PHF21B: variants seen among roughly 807,000 people sequenced by gnomAD.
PHF21B encodes the protein PHD finger protein 21B, also known as PHD finger protein 4.
In PHF21B, 22 loss-of-function variants were observed where a neutral mutation model predicts 62.2. The observed-to-expected ratio is 0.35, with a 90% confidence interval of 0.25 to 0.51. PHF21B has a LOEUF of 0.51. PHF21B is among the 20% of genes least tolerant of loss of function. The pLI is 0.97. For missense variants in PHF21B, 701 were observed against 707.9 expected (o/e 0.99, Z 0.11); for synonymous variants, 341 against 314.7 (o/e 1.08, Z -0.88).
intron 2 of PHF21B, among the ~76,000 whole-genome samples, chr22:44,946,615 A>G (rs2072078331): frequency 6.6e-6 from 1 of 151,668 alleles, no homozygotes; most frequent in African/African-American, 2.4e-5. Context: ...CAGTGGTTGT[A>G]TGGATGGATG....
intron 2 of PHF21B, among the ~76,000 whole-genome samples, chr22:44,976,714 G>A (rs148429601): frequency 1.1e-3 from 174 of 152,334 alleles, no homozygotes; most frequent in Non-Finnish European, 2.0e-3. Context: ...GAGGCAGGAA[G>A]CCCCACACCT....
chr22:44,974,525 T>C (rs910653669), intron 2 of PHF21B, among the ~76,000 whole-genome samples: 1 of 152,138 alleles, frequency 6.6e-6, no homozygotes, highest in Admixed American at 6.5e-5. Context: ...CATGTGTTGG[T>C]ACCACCCTGC....
At chr22:44,929,900 G>A (rs1334218980) in intron 2 of PHF21B, among the ~76,000 whole-genome samples, 2 of 152,206 alleles carry the variant, frequency 1.3e-5, no homozygotes, top group South Asian at 2.1e-4. Context: ...CGAAGATGAG[G>A]TGAGGCAGCG....
rs557333763 is a variant in PHF21B, at chr22:44,990,445, C to A, written c.120+18100G>T. ...TTGACGGATGAATGGATAAACAGCACGGAGTACGTGCAAGCAGTGGAATAA... is the reference window on the plus strand; with the variant it reads ...TTGACGGATGAATGGATAAACAGCAAGGAGTACGTGCAAGCAGTGGAATAA... On this transcript the variant is annotated intron_variant, in intron 2 of 12. Coordinates refer to ENST00000313237, the MANE Select transcript of PHF21B (RefSeq NM_138415.5). Among the ~76,000 whole-genome samples the A allele has an allele frequency of 2.6e-5, 4 of 152,180 alleles. No individual in the cohort carries two copies. The East Asian group carries it at 7.7e-4, about 29-fold the overall frequency.
At chr22:44,925,609 G>A (rs566888619) in intron 2 of PHF21B, among the ~76,000 whole-genome samples, 44 of 152,242 alleles carry the variant, frequency 2.9e-4, no homozygotes, top group African/African-American at 8.9e-4. Flanking sequence ...TATGCAATGC[G>A]GAGCCCATGA....
At chr22:45,006,120 G>T (rs577668496) in intron 2 of PHF21B, among the ~76,000 whole-genome samples, 10 of 152,238 alleles carry the variant, frequency 6.6e-5, no homozygotes, top group African/African-American at 2.2e-4. Flanking sequence ...GCAGAGCCTG[G>T]GAAAGACAAG....
intron 10 of PHF21B, among the ~76,000 whole-genome samples, chr22:44,886,226 C>T (rs552064762): frequency 3.1e-4 from 47 of 152,108 alleles, no homozygotes; most frequent in African/African-American, 1.0e-3. Context: ...TGTCTTCCTC[C>T]CACGTCCAGA....
At chr22:44,937,928 G>A (rs955174351) in intron 2 of PHF21B, among the ~76,000 whole-genome samples, 1 of 152,246 alleles carries the variant, frequency 6.6e-6, no homozygotes, top group Non-Finnish European at 1.5e-5. Context: ...GACGCATCGC[G>A]CAGGTGCAGA....
At chr22:44,933,257 A>G (rs1475222148) in intron 2 of PHF21B, among the ~76,000 whole-genome samples, 10 of 152,176 alleles carry the variant, frequency 6.6e-5, no homozygotes, top group Non-Finnish European at 1.5e-5. Flanking sequence ...GATTACAGGC[A>G]TGTGCCACCA....
intron 5 of PHF21B, among the ~76,000 whole-genome samples, chr22:44,896,890 T>TG (rs2071070174): frequency 6.9e-6 from 1 of 145,020 alleles, no homozygotes; most frequent in Non-Finnish European, 1.5e-5. Flanking sequence ...GTTTTTTTTT[T>TG]TTTTTTGAGA....
chr22:44,901,992 T>C (rs5765078), intron 5 of PHF21B: 70,453 of 213,924 alleles, frequency 0.33, 12,247 homozygotes, highest in East Asian at 0.64. Context: ...TGGGAGAAAA[T>C]TGTAAGCCAG....
chr22:44,885,540 G>A lies in PHF21B; in HGVS notation c.1274-11C>T, dbSNP rs999797433. The A allele has an allele frequency of 6.3e-7, 1 of 1,579,286 alleles. No individual in the cohort carries two copies. The highest frequency in any genetic ancestry group is 8.6e-7 in the Non-Finnish European group (1 of 1,162,316). ...TCTCCTCTTCTTTGACTAGAAAAGA[G>A]AAGGCCAGGTCCCTGGAGAGGGGCA... is the stretch of plus-strand genomic sequence containing the variant. On this transcript the variant is annotated splice_polypyrimidine_tract_variant and intron_variant, in intron 11 of 12. Transcript: ENST00000313237.
intron 3 of PHF21B, among the ~76,000 whole-genome samples, chr22:44,919,397 CTGTTAG>C (rs2071495781): frequency 6.6e-6 from 1 of 152,174 alleles, no homozygotes; most frequent in Non-Finnish European, 1.5e-5. Context: ...TCATCAGCTA[CTGTTAG>C]TGTTAGTGTA....
chr22:44,983,510 A>T (rs1426863724), intron 2 of PHF21B, among the ~76,000 whole-genome samples: 4 of 152,216 alleles, frequency 2.6e-5, no homozygotes, highest in Non-Finnish European at 4.4e-5. Context: ...CCCTGTGGGC[A>T]TCAGCAGACA....
At chr22:44,895,780 T>G (rs895580085) in intron 6 of PHF21B, among the ~76,000 whole-genome samples, 1 of 152,210 alleles carries the variant, frequency 6.6e-6, no homozygotes, top group Non-Finnish European at 1.5e-5. Flanking sequence ...AAGGCTTCTC[T>G]GTCTTGTTCG....
chr22:45,008,557 G>C lies in PHF21B; in HGVS notation c.108C>G (p.Leu36=), dbSNP rs1260069731. The change falls in exon 2 of 13, where the codon CTC becomes CTG. Residue 36 remains leucine (L), a synonymous_variant. Transcript: ENST00000313237. The part of the protein sequence containing the change: ...LHERQPRIAA[L]SDKQALGTIT... ...TCCCATCGCTTACTTGTTTGTCGCT[G>C]AGCGCGGCGATCCGCGGCTGCCTTT... 2.5e-6 allele frequency: 4 copies of C among 1,584,376 alleles called. No homozygotes were observed. The highest frequency in any genetic ancestry group is 3.4e-6 in the Non-Finnish European group (4 of 1,165,792).
At chr22:44,890,362 G>A (rs567153888) in intron 8 of PHF21B, among the ~76,000 whole-genome samples, 9 of 152,292 alleles carry the variant, frequency 5.9e-5, no homozygotes, top group Admixed American at 1.3e-4. Context: ...TTTAATGATC[G>A]CAAACATATA....
chr22:44,929,226 C>T (rs1314893756), intron 2 of PHF21B, among the ~76,000 whole-genome samples: 1 of 152,226 alleles, frequency 6.6e-6, no homozygotes, highest in Non-Finnish European at 1.5e-5. Context: ...GAAACCAGTT[C>T]ATTATTCACA....
chr22:45,007,209 T>C (rs1015714212), intron 2 of PHF21B, among the ~76,000 whole-genome samples: 87 of 98,286 alleles, frequency 8.9e-4, no homozygotes, highest in African/African-American at 3.3e-3. Context: ...GCCATCTTCC[T>C]TTCAGCAAGC....
Sources: allele counts gnomAD v4.1 joint callset (sites outside exome capture counted in the v4.1 genomes callset), GRCh38; gene constraint gnomAD v4.1.1; transcripts MANE v1.5; gene names NCBI Gene and HGNC (gene_info 2026-07-23, HGNC 2026-07-21).